NAA20: variants seen among roughly 807,000 people sequenced by gnomAD.
NAA20 encodes N-alpha-acetyltransferase 20.
Under a neutral mutation model 23.8 loss-of-function variants are expected in NAA20, and 24 were observed. The observed-to-expected ratio is 1.01, with a 90% CI of 0.73 to 1.42. The LOEUF is 1.42. Ranked by LOEUF, NAA20 falls within the 40% of genes most tolerant of loss-of-function variation. NAA20 has a pLI of 0.00. For synonymous variants in NAA20, 83 were observed against 77.7 expected (o/e 1.07, Z -0.36); for missense variants, 166 against 223.1 (o/e 0.74, Z 1.63).
intron 1 of NAA20, among the ~76,000 whole-genome samples, chr20:20,020,228 TC>T (rs1464279415): frequency 6.6e-6 from 1 of 152,172 alleles, no homozygotes; most frequent in Non-Finnish European, 1.5e-5. Flanking sequence ...ACCTTGGGAA[TC>T]ACAGTGCGGG....
At chr20:20,025,459 A>T (rs986049313) in intron 2 of NAA20, among the ~76,000 whole-genome samples, 2 of 152,216 alleles carry the variant, frequency 1.3e-5, no homozygotes, top group African/African-American at 2.4e-5. Flanking sequence ...AGACAGTGCT[A>T]TCACCATTCC....
Position 20,017,459 on chromosome 20 carries a change from ACG to A in NAA20, c.53+14_53+15del, listed in dbSNP as rs779289309. On this transcript the variant is annotated intron_variant, in intron 1 of 5. Coordinates refer to ENST00000334982, the MANE Select transcript of NAA20 (RefSeq NM_016100.5). ...TCCGCTTCAACAACATGTGAGTGACACGCGCCTAGGGCCAGCCGCTCTTGGCC... is the reference window on the plus strand; with the variant it reads ...TCCGCTTCAACAACATGTGAGTGACACGCCTAGGGCCAGCCGCTCTTGGCC... 85 of 1,608,358 alleles carry A rather than the reference ACG, an allele frequency of 5.3e-5. No individual in the cohort carries two copies. The South Asian group carries it at 9.0e-4, about 17-fold the overall frequency.
chr20:20,017,708 G>C (rs1456932397), intron 1 of NAA20: 55 of 1,427,352 alleles, frequency 3.9e-5, no homozygotes, highest in Non-Finnish European at 4.8e-5. Context: ...CTGCGAGCTG[G>C]CAGGTTCTGG....
At position 20,017,376 on chromosome 20, in the gene NAA20, T is replaced by G. The variant is rs1187150980; in HGVS notation, c.-21T>G. The stretch of plus-strand genomic sequence containing the variant: ...GGGCGCGGGGTCTTGGCGAACGGTC[T>G]TCGGAAGCGGCGGCGGCGCGATGAC... On this transcript the variant is annotated 5_prime_UTR_variant, in exon 1 of 6. Coordinates refer to ENST00000334982, the MANE Select transcript of NAA20 (RefSeq NM_016100.5). 1 of 1,611,294 alleles carries G rather than the reference T, an allele frequency of 6.2e-7. No individual in the cohort carries two copies. The highest frequency in any genetic ancestry group is 8.5e-7 in the Non-Finnish European group (1 of 1,179,250).
chr20:20,017,348 G>C (rs777894302), upstream of NAA20: 1 of 1,607,456 alleles, frequency 6.2e-7, no homozygotes, highest in South Asian at 1.1e-5. Flanking sequence ...CTTCCGGCAG[G>C]GCGGGCGCGG....
At chr20:20,032,475 C>A (rs2043351679) in intron 4 of NAA20, 33 bp from the exon 5 acceptor site, 4 of 1,601,716 alleles carry the variant, frequency 2.5e-6, no homozygotes, top group Non-Finnish European at 3.4e-6. Context: ...TTCTCACATT[C>A]TAACATTTTC....
intron 4 of NAA20, among the ~76,000 whole-genome samples, chr20:20,030,126 C>T (rs1009745447): frequency 6.6e-6 from 1 of 152,150 alleles, no homozygotes; most frequent in African/African-American, 2.4e-5. Context: ...AGGGAACATT[C>T]CTCAACTTAT....
chr20:20,026,967 C>T (rs748607061), intron 4 of NAA20, 48 bp downstream of exon 4: 92 of 1,610,308 alleles, frequency 5.7e-5, no homozygotes, highest in Non-Finnish European at 7.6e-5. Context: ...GGACCCCTAA[C>T]CATTTTCTTC....
chr20:20,018,766 C>G (rs1808170209), intron 1 of NAA20: 2 of 323,884 alleles, frequency 6.2e-6, no homozygotes, highest in Non-Finnish European at 8.9e-6. Flanking sequence ...TCTGAGTGCC[C>G]ACGTAATAAT....
intron 1 of NAA20, among the ~76,000 whole-genome samples, chr20:20,021,149 CAA>C (rs543481084): frequency 6.6e-6 from 1 of 151,298 alleles, no homozygotes; most frequent in East Asian, 1.9e-4. Context: ...GGTGGGCAGA[CAA>C]GAGGAGATAA....
chr20:20,030,695 C>A (rs1402841173), intron 4 of NAA20, among the ~76,000 whole-genome samples: 1 of 147,872 alleles, frequency 6.8e-6, no homozygotes. Context: ...GTATAAAAAT[C>A]AATTGTATTT....
intron 2 of NAA20, among the ~76,000 whole-genome samples, chr20:20,024,354 A>G (rs937098169): frequency 3.3e-5 from 5 of 152,240 alleles, no homozygotes; most frequent in Admixed American, 2.6e-4. Context: ...GTCTCTTCAC[A>G]TAAAGAAATA....
At chr20:20,031,032 C>T (rs567410159) in intron 4 of NAA20, among the ~76,000 whole-genome samples, 1 of 152,310 alleles carries the variant, frequency 6.6e-6, no homozygotes, top group East Asian at 1.9e-4. Flanking sequence ...TTAGAGGATA[C>T]AGTAAACAGG....
intron 2 of NAA20, among the ~76,000 whole-genome samples, chr20:20,024,955 A>G (rs768897253): frequency 6.6e-6 from 1 of 152,214 alleles, no homozygotes; most frequent in Non-Finnish European, 1.5e-5. Flanking sequence ...ATATATTTTC[A>G]TCCATTAAAG....
At position 20,032,429 on chromosome 20, in the gene NAA20, T is replaced by C. The variant is rs538236904; in HGVS notation, c.306-79T>C. ...GTAGTCAAAGCAAGGTAAAAACACG[T>C]TTTAAAAAAAATATGTATCTATTAC... On this transcript the variant is annotated intron_variant, in intron 4 of 5. Coordinates refer to ENST00000334982, the MANE Select transcript of NAA20 (RefSeq NM_016100.5). 1.4e-5 allele frequency: 20 copies of C among 1,452,888 alleles called. No homozygotes were observed. The South Asian group carries it at 2.0e-4, about 14-fold the overall frequency. The allele number at this position is 1,452,888 out of a possible 1,614,324, so 90.0% of individuals were successfully genotyped here.
At chr20:20,018,023 A>AGATGCT in intron 1 of NAA20, 1 of 1,614,224 alleles carries the variant, frequency 6.2e-7, no homozygotes, top group Non-Finnish European at 8.5e-7. Context: ...CCCCTGCAGC[A>AGATGCT]GATGCTGTCT....
chr20:20,024,344 G>A (rs571264380), intron 2 of NAA20, among the ~76,000 whole-genome samples: 2 of 152,260 alleles, frequency 1.3e-5, no homozygotes, highest in East Asian at 3.9e-4. Context: ...TATTTAAGGT[G>A]TCTCTTCACA....
chr20:20,026,722 T>G (rs1265703345), intron 3 of NAA20, 62 bp from the exon 4 acceptor site: 2 of 1,590,564 alleles, frequency 1.3e-6, no homozygotes, highest in African/African-American at 2.7e-5. Flanking sequence ...TGAACAGTAA[T>G]TCTATATTTA....
chr20:20,029,142 A>C (rs1319568774), intron 4 of NAA20, among the ~76,000 whole-genome samples: 1 of 152,214 alleles, frequency 6.6e-6, no homozygotes, highest in Admixed American at 6.5e-5. Flanking sequence ...TATTGTTTAC[A>C]GGAAATATGT....
Sources: gnomAD v4.1 joint callset for allele counts (sites outside exome capture counted in the v4.1 genomes callset) on GRCh38, gnomAD v4.1.1 for gene constraint, MANE v1.5 for transcripts, NCBI Gene and HGNC (gene_info 2026-07-23, HGNC 2026-07-21) for gene names.